The following DCN variants were observed in gnomAD, a reference collection of about 807,000 sequenced individuals.
The protein encoded by DCN is decorin, also known as bone proteoglycan II.
In DCN, 17 loss-of-function variants were observed where a neutral mutation model predicts 36.5. The observed-to-expected ratio is 0.47, with a 90% CI of 0.32 to 0.70. The LOEUF (loss-of-function observed/expected upper bound fraction) is 0.70. Among genes scored for constraint, DCN ranks in the 30% least tolerant of loss-of-function variants. The pLI is 0.04. For synonymous variants in DCN, 163 were observed against 161.4 expected, an observed-to-expected ratio of 1.01 and a Z score of -0.07; for missense variants, 389 against 430.1, an observed-to-expected ratio of 0.90 and a Z score of 0.84.
At chr12:91,176,952 TGAA>T (rs1883332278) in intron 2 of DCN, 1 of 152,252 alleles carries the variant, frequency 6.6e-6, no homozygotes, top group South Asian at 2.1e-4. Flanking sequence ...ATAAAATTTC[TGAA>T]GAGTAATCCA....
At chr12:91,155,799 T>C (rs1881731703) in intron 5 of DCN, among the ~76,000 whole-genome samples, 1 of 152,196 alleles carries the variant, frequency 6.6e-6, no homozygotes, top group Non-Finnish European at 1.5e-5. Flanking sequence ...ATCATCTATG[T>C]ATCTATCTAT....
At chr12:91,169,185 C>T (rs1882772443) in intron 2 of DCN, among the ~76,000 whole-genome samples, 2 of 151,590 alleles carry the variant, frequency 1.3e-5, no homozygotes, top group South Asian at 2.1e-4. Flanking sequence ...TTGCTTGAGC[C>T]TCTGAGTTCA....
At position 91,178,501 on chromosome 12, in the gene DCN, G is replaced by GT; in HGVS notation, c.51dup (p.Pro18ThrfsTer9). The GT allele has an allele frequency of 6.2e-7, 1 of 1,613,726 alleles. No homozygotes were observed. The highest frequency in any genetic ancestry group is 8.5e-7 in the Non-Finnish European group (1 of 1,179,952). ...TCAAATAAGCCTCTCTGTTGAAACGGTCCAGCCCAGGAAACTTGTGCAAGC... is the reference window on the plus strand; with the variant it reads ...TCAAATAAGCCTCTCTGTTGAAACGGTTCCAGCCCAGGAAACTTGTGCAAGC... On this transcript the variant is annotated frameshift_variant, in exon 2 of 8. Transcript: ENST00000052754. LOFTEE classifies it high-confidence loss of function.
chr12:91,157,271 C>CT, intron 4 of DCN, 83 bp from the exon 5 acceptor site: 1 of 973,582 alleles, frequency 1.0e-6, no homozygotes, highest in Admixed American at 1.7e-5. Context: ...AGCAAGCAAC[C>CT]TATAAAGAAA....
chr12:91,146,255 A>G lies in DCN; in HGVS notation c.886-3T>C, dbSNP rs111428049. The stretch of plus-strand genomic sequence containing the variant: ...TTGTTGTTATGAAGGTAGACAACCT[A>G]CAACATGAAACGATAGAAAATAATT... On this transcript the variant is annotated splice_region_variant and splice_polypyrimidine_tract_variant and intron_variant, in intron 7 of 7. Coordinates refer to ENST00000052754, the MANE Select transcript of DCN (RefSeq NM_001920.5). The G allele has an allele frequency of 6.4e-7, 1 of 1,560,542 alleles. No individual in the cohort carries two copies.
Position 91,158,296 on chromosome 12 carries a change from C to T in DCN, c.538G>A (p.Glu180Lys), listed in dbSNP as rs1366821506. 3 of 1,583,820 alleles carry T rather than the reference C, an allele frequency of 1.9e-6. No homozygotes were observed. Among genetic ancestry groups the T allele is most frequent in the Non-Finnish European group, 2.6e-6 (3 of 1,152,388 alleles). Residue 180 changes from glutamate to lysine, a missense_variant and splice_region_variant, in exon 4 of 8, where the codon GAA becomes AAA. Glu to Lys is a moderately conservative substitution (Grantham distance 56). Transcript: ENST00000052754. ...FNGLNQMIVI[E>K]LGTNPLKSSG... Reference sequence around the variant, plus strand: ...CTTAAAGTTATAAAAATGTCTGTACCTATGACAATCATCTGGTTCAGTCCA... The same window carrying T: ...CTTAAAGTTATAAAAATGTCTGTACTTATGACAATCATCTGGTTCAGTCCA...
At chr12:91,179,586 T>A (rs1268368909) in intron 1 of DCN, 1 of 152,216 alleles carries the variant, frequency 6.6e-6, no homozygotes, top group Non-Finnish European at 1.5e-5. Flanking sequence ...TTATTCCTTG[T>A]TCTGTACCCG....
rs748270495 is a variant in DCN, at chr12:91,144,125, G to A, written c.*1933C>T. 5 of 152,100 alleles carry A rather than the reference G, an allele frequency of 3.3e-5. No individual in the cohort carries two copies. The highest frequency in any genetic ancestry group is 7.4e-5 in the Non-Finnish European group (5 of 68,016). 9.4% of individuals were successfully genotyped at this position (152,100 alleles called of 1,614,324 possible). On this transcript the variant is annotated 3_prime_UTR_variant, in exon 8 of 8. Transcript: ENST00000052754. ...GGCTTTTCCCCATAAGAGAAAGGCT[G>A]CAGCATAAAGGGTATATCATTCAAG...
intron 3 of DCN, among the ~76,000 whole-genome samples, chr12:91,164,373 A>G (rs1394119404): frequency 1.4e-5 from 2 of 146,196 alleles, no homozygotes; most frequent in African/African-American, 5.0e-5. Context: ...TAATAAAAAA[A>G]AAATTAAAAA....
Position 91,164,713 on chromosome 12 carries a change from CAGACCTAGCATA to C in DCN, c.212-8_215del. The C allele has an allele frequency of 6.4e-7, 1 of 1,559,988 alleles. No individual in the cohort carries two copies. The highest frequency in any genetic ancestry group is 8.8e-7 in the Non-Finnish European group (1 of 1,130,586). On this transcript the variant is annotated splice_acceptor_variant and splice_polypyrimidine_tract_variant and coding_sequence_variant and intron_variant, in exon 3 of 8. Coordinates refer to ENST00000052754, the MANE Select transcript of DCN (RefSeq NM_001920.5). LOFTEE classifies it high-confidence loss of function. ...GGGGAAGATCCTTTGGCACTTTGTC[CAGACCTAGCATA>C]AGAGTAATAGGAGTGTGCTGTGAGT... is the stretch of plus-strand genomic sequence containing the variant.
chr12:91,179,588 C>G (rs1183374200), intron 1 of DCN: 1 of 152,188 alleles, frequency 6.6e-6, no homozygotes. Context: ...ATTCCTTGTT[C>G]TGTACCCGGG....
chr12:91,151,942 G>A, intron 6 of DCN, 150 bp from the exon 7 acceptor site: 1 of 818,050 alleles, frequency 1.2e-6, no homozygotes, highest in South Asian at 1.5e-5. Flanking sequence ...CAACCTCTCT[G>A]AGCCTGGACA....
chr12:91,143,364 C>T lies in DCN; in HGVS notation c.*2694G>A, dbSNP rs372068893. 4 of 152,152 alleles carry T rather than the reference C, an allele frequency of 2.6e-5. No individual in the cohort carries two copies. The highest frequency in any genetic ancestry group is 7.2e-5 in the African/African-American group (3 of 41,432). 9.4% of individuals were successfully genotyped at this position (152,152 alleles called of 1,614,324 possible). On this transcript the variant is annotated 3_prime_UTR_variant, in exon 8 of 8. Transcript: ENST00000052754. ...CAATAAGCAGGAGACAAAAGACAGA[C>T]ATGGTACAATAGGAAACGAGAGGAC...
intron 2 of DCN, chr12:91,177,634 A>T (rs1206043438): frequency 4.3e-6 from 3 of 702,440 alleles, no homozygotes; most frequent in Non-Finnish European, 7.8e-6. Flanking sequence ...TTCTGAAAAG[A>T]TGATAAATCA....
At chr12:91,166,286 C>T (rs1882567073) in intron 2 of DCN, among the ~76,000 whole-genome samples, 1 of 151,960 alleles carries the variant, frequency 6.6e-6, no homozygotes, top group South Asian at 2.1e-4. Context: ...GACACAGTTC[C>T]CATAGAAATA....
rs748901311 is a variant in DCN at position 91,157,110 on chromosome 12, C to A, written c.617G>T (p.Arg206Leu). 3 of 1,611,910 alleles carry A rather than the reference C, an allele frequency of 1.9e-6. No homozygotes were observed. The highest frequency in any genetic ancestry group is 2.2e-5 in the East Asian group (1 of 44,844). ...FQGMKKLSYI[R>L]IADTNITSIP... ...GCTGGTGATATTGGTATCAGCAATG[C>A]GGATGTAGGAGAGCTTCTTCATTCC... Residue 206 changes from arginine to leucine, a missense_variant, in exon 5 of 8, where the codon CGC becomes CTC. Physicochemically the swap from Arg to Leu is moderately radical, Grantham distance 102. Transcript: ENST00000052754.
chr12:91,148,484 G>A (rs148309779), intron 7 of DCN, among the ~76,000 whole-genome samples: 7 of 151,984 alleles, frequency 4.6e-5, no homozygotes, highest in African/African-American at 1.2e-4. Context: ...TTGGGAGGCC[G>A]AGGCGGATGG....
At chr12:91,177,158 G>C (rs748354206) in intron 2 of DCN, 1 of 163,900 alleles carries the variant, frequency 6.1e-6, no homozygotes, top group African/African-American at 2.4e-5. Flanking sequence ...ATTATCCTGC[G>C]GCCTTTTGAA....
At chr12:91,177,865 C>G (rs1351680331) in intron 2 of DCN, 5 of 537,266 alleles carry the variant, frequency 9.3e-6, no homozygotes, top group Non-Finnish European at 1.7e-5. Flanking sequence ...ATGTGTTTTG[C>G]TTTTGATAAC....
Sources: allele counts gnomAD v4.1 joint callset (sites outside exome capture counted in the v4.1 genomes callset), GRCh38; gene constraint gnomAD v4.1.1; transcripts MANE v1.5; gene names NCBI Gene and HGNC (gene_info 2026-07-23, HGNC 2026-07-21).